OSBPL3: variants seen among roughly 807,000 people sequenced by gnomAD.
OSBPL3 encodes the protein oxysterol binding protein like 3.
Under a neutral mutation model 120.1 loss-of-function variants are expected in OSBPL3, and 65 were observed. The ratio of observed to expected loss-of-function variants is 0.54; its 90% CI spans 0.44 to 0.67. OSBPL3 has a LOEUF of 0.67. OSBPL3 is among the 30% of genes least tolerant of loss of function. The pLI is 0.00. For missense variants in OSBPL3, 1,004 were observed against 1,082.1 expected, an observed-to-expected ratio of 0.93 and a Z score of 1.01; for synonymous variants, 416 against 402.6, an observed-to-expected ratio of 1.03 and a Z score of -0.40.
At chr7:24,944,368 C>A (rs1813457030) in intron 1 of OSBPL3, among the ~76,000 whole-genome samples, 1 of 151,912 alleles carries the variant, frequency 6.6e-6, no homozygotes. Flanking sequence ...GTGGCTCACG[C>A]CTGTAATCCC....
At position 24,819,357 on chromosome 7, in the gene OSBPL3, C is replaced by G. The variant is rs1000919297; in HGVS notation, c.1948+818G>C. 3.3e-5 allele frequency among the ~76,000 whole-genome samples: 5 copies of G among 151,892 alleles called. No homozygotes were observed. Among genetic ancestry groups the G allele is most frequent in the Non-Finnish European group, 5.9e-5 (4 of 68,020 alleles). On this transcript the variant is annotated intron_variant, in intron 17 of 22. Coordinates refer to ENST00000313367, the MANE Select transcript of OSBPL3 (RefSeq NM_015550.4). This position sits in a 1 kb window ranked among gnomAD's most constrained non-coding sequence, Gnocchi z 4.1. ...GGCTAGGAACCTTATGAGAATATTT[C>G]CAGAGGGTTTTGGTGAGAGAGCAGT...
intron 1 of OSBPL3, among the ~76,000 whole-genome samples, chr7:24,924,625 G>A (rs552066102): frequency 6.6e-6 from 1 of 152,278 alleles, no homozygotes; most frequent in South Asian, 2.1e-4. Context: ...TGAGTTTAAT[G>A]GCTGCTGATA....
At position 24,852,711 on chromosome 7, in the gene OSBPL3, T is replaced by C. The variant is rs1282501478; in HGVS notation, c.1028-77A>G. ...AAAATACAGAAAAAAACATATCTCT[T>C]ATAAAAGAAACAAGCAAAGTAACAG... On this transcript the variant is annotated intron_variant, in intron 10 of 22. Transcript: ENST00000313367. This position sits in a 1 kb window ranked among gnomAD's most constrained non-coding sequence, Gnocchi z 4.1. 1.0e-6 allele frequency: 1 copy of C among 980,322 alleles called. No individual in the cohort carries two copies. The highest frequency in any genetic ancestry group is 1.4e-6 in the Non-Finnish European group (1 of 695,992). 60.7% of individuals were successfully genotyped at this position (980,322 alleles called of 1,614,324 possible).
At chr7:24,905,679 C>T (rs1584572611) in intron 1 of OSBPL3, among the ~76,000 whole-genome samples, 2 of 152,268 alleles carry the variant, frequency 1.3e-5, no homozygotes, top group African/African-American at 4.8e-5. Context: ...AGTGTGGGCT[C>T]CAAAACTATT....
chr7:24,980,201 G>A (rs1284303264), upstream of OSBPL3: 11 of 288,832 alleles, frequency 3.8e-5, no homozygotes, highest in Non-Finnish European at 2.1e-5. Context: ...CCGGCGATTA[G>A]CCCGAGGAGC....
At chr7:24,890,411 G>C (rs1374592974) in intron 2 of OSBPL3, among the ~76,000 whole-genome samples, 1 of 152,178 alleles carries the variant, frequency 6.6e-6, no homozygotes, top group Non-Finnish European at 1.5e-5. Flanking sequence ...AGCTTCAAAG[G>C]TTCCTGCACC....
chr7:24,807,639 G>GT (rs1348331457), intron 20 of OSBPL3, among the ~76,000 whole-genome samples: 1 of 152,030 alleles, frequency 6.6e-6, no homozygotes, highest in Non-Finnish European at 1.5e-5. Context: ...TTAGTACCTA[G>GT]AACAGTGCTG....
chr7:24,970,096 G>A (rs545232361), intron 1 of OSBPL3, among the ~76,000 whole-genome samples: 2 of 140,644 alleles, frequency 1.4e-5, no homozygotes, highest in Admixed American at 7.5e-5. Flanking sequence ...CTTTCCCTTC[G>A]TCCCTTTCTT....
At chr7:24,979,620 T>A (rs1365046667) in intron 1 of OSBPL3, among the ~76,000 whole-genome samples, 1 of 151,976 alleles carries the variant, frequency 6.6e-6, no homozygotes, top group South Asian at 2.1e-4. Flanking sequence ...CGGCTCCTCC[T>A]GGCGGTCAAT....
intron 1 of OSBPL3, among the ~76,000 whole-genome samples, chr7:24,942,526 A>G (rs763893658): frequency 1.3e-5 from 2 of 152,196 alleles, no homozygotes; most frequent in Non-Finnish European, 2.9e-5. Context: ...ATCAGGTCTC[A>G]TCTACTCAAC....
rs1796228203 is a variant in OSBPL3 at position 24,830,450 on chromosome 7, G to C, written c.1884+318C>G. ...TGATGTCAGTGTGTTAGGGAGCAAT[G>C]TTAAACCTCTAAATTGAAGTTTGGG... On this transcript the variant is annotated intron_variant, in intron 16 of 22. Transcript: ENST00000313367. The surrounding 1 kb of genome is among the most constrained non-coding windows in gnomAD (Gnocchi z 4.4). 6.6e-6 allele frequency among the ~76,000 whole-genome samples: 1 copy of C among 152,202 alleles called. No individual in the cohort carries two copies. Among genetic ancestry groups the C allele is most frequent in the Non-Finnish European group, 1.5e-5 (1 of 68,044 alleles).
Position 24,831,576 on chromosome 7 carries a change from C to G in OSBPL3, c.1747-671G>C, listed in dbSNP as rs905903096. Among the ~76,000 whole-genome samples, 3 of 152,198 alleles carry G rather than the reference C, an allele frequency of 2.0e-5. No homozygotes were observed. Among genetic ancestry groups the G allele is most frequent in the Admixed American group, 2.0e-4 (3 of 15,280 alleles). On this transcript the variant is annotated intron_variant, in intron 15 of 22. Coordinates refer to ENST00000313367, the MANE Select transcript of OSBPL3 (RefSeq NM_015550.4). This position sits in a 1 kb window ranked among gnomAD's most constrained non-coding sequence, Gnocchi z 4.0. ...GAACAAACTCTCTGGGCAGCCCTTA[C>G]TGTGAGGTCTTGGCGTCTTTAGCAA...
chr7:24,981,209 G>A (rs1176198545), upstream of OSBPL3, among the ~76,000 whole-genome samples: 2 of 152,208 alleles, frequency 1.3e-5, no homozygotes, highest in Non-Finnish European at 2.9e-5. The surrounding 1 kb of genome is among the most constrained non-coding windows in gnomAD (Gnocchi z 7.3). Context: ...GGAGGGCCAA[G>A]TCCACTTTCG....
At position 24,867,388 on chromosome 7, in the gene OSBPL3, G is replaced by A. The variant is rs1801476321; in HGVS notation, c.382-1151C>T. Among the ~76,000 whole-genome samples, 1 of 152,124 alleles carries A rather than the reference G, an allele frequency of 6.6e-6. No individual in the cohort carries two copies. The highest frequency in any genetic ancestry group is 1.5e-5 in the Non-Finnish European group (1 of 68,018). On this transcript the variant is annotated intron_variant, in intron 5 of 22. Coordinates refer to ENST00000313367, the MANE Select transcript of OSBPL3 (RefSeq NM_015550.4). This position sits in a 1 kb window ranked among gnomAD's most constrained non-coding sequence, Gnocchi z 4.5. ...ATTGCTGAGGAGTATATGTGGTATG[G>A]TTTGGCTGTGTCCCATGTCCCACCC...
rs1216876657 is a variant in OSBPL3, at chr7:24,879,428, A to G, written c.97-7359T>C. On this transcript the variant is annotated intron_variant, in intron 2 of 22. Transcript: ENST00000313367. The surrounding 1 kb of genome is among the most constrained non-coding windows in gnomAD (Gnocchi z 5.6). ...CACCATCCCTTCTTTCCCTTCACAC[A>G]CAGATGTAGCTCTCCAACCTCAGGC... Among the ~76,000 whole-genome samples the G allele has an allele frequency of 6.6e-6, 1 of 152,194 alleles. No individual in the cohort carries two copies. The highest frequency in any genetic ancestry group is 1.5e-5 in the Non-Finnish European group (1 of 68,040).
intron 7 of OSBPL3, among the ~76,000 whole-genome samples, chr7:24,864,027 G>A (rs1427116611): frequency 6.6e-6 from 1 of 152,156 alleles, no homozygotes; most frequent in African/African-American, 2.4e-5. Flanking sequence ...CTTAAATCCT[G>A]TAGTAATATG....
At chr7:24,884,095 A>C (rs1437715159) in intron 2 of OSBPL3, among the ~76,000 whole-genome samples, 3 of 149,842 alleles carry the variant, frequency 2.0e-5, no homozygotes, top group Non-Finnish European at 3.0e-5. Context: ...CAACAACAAA[A>C]AAAAACAGCT....
intron 10 of OSBPL3, among the ~76,000 whole-genome samples, 165 bp downstream of exon 10, chr7:24,861,448 A>G (rs1041910661): frequency 4.6e-5 from 7 of 152,222 alleles, no homozygotes; most frequent in African/African-American, 1.7e-4. Flanking sequence ...GTTCTTGCCA[A>G]TACATTCTCC....
chr7:24,946,124 C>T lies in OSBPL3; in HGVS notation c.-150+33762G>A, dbSNP rs2710996. Among the ~76,000 whole-genome samples, 120,452 of 152,004 alleles carry T rather than the reference C, an allele frequency of 0.79. 47,966 individuals are homozygous for T. The highest frequency in any genetic ancestry group is 0.9 in the South Asian group (4,314 of 4,808). On this transcript the variant is annotated intron_variant, in intron 1 of 22. Transcript: ENST00000313367. This position sits in a 1 kb window ranked among gnomAD's most constrained non-coding sequence, Gnocchi z 4.3. The stretch of plus-strand genomic sequence containing the variant: ...CCCTCCCAAGGCTGGTAGTCAATGC[C>T]GGCTGTCAGCTGGGAGCTCAGCTGG...
Sources: allele counts gnomAD v4.1 joint callset (sites outside exome capture counted in the v4.1 genomes callset), GRCh38; gene constraint gnomAD v4.1.1; non-coding constraint Gnocchi (gnomAD v3.1); transcripts MANE v1.5; gene names NCBI Gene and HGNC (gene_info 2026-07-23, HGNC 2026-07-21).